Variants in RGS12 observed in about 807,000 individuals in gnomAD.
RGS12 encodes regulator of G protein signaling 12.
A neutral mutation model predicts 120.1 loss-of-function variants in RGS12; 66 were observed. The ratio of observed to expected loss-of-function variants is 0.55; its 90% CI spans 0.45 to 0.67. The LOEUF is 0.67. Among genes scored for constraint, RGS12 ranks in the 30% least tolerant of loss-of-function variants. The pLI is 0.00. For synonymous variants in RGS12, 827 were observed against 804.7 expected (o/e 1.03, Z -0.47); for missense variants, 1,859 against 1,957.7 (o/e 0.95, Z 0.95).
chr4:3,326,388 A>G (rs1376401661), intron 2 of RGS12, among the ~76,000 whole-genome samples: 1 of 152,212 alleles, frequency 6.6e-6, no homozygotes, highest in Admixed American at 6.5e-5. Flanking sequence ...CTAGAACTAC[A>G]GGTGCATACT....
At chr4:3,362,050 C>T (rs1715619513) in intron 3 of RGS12, among the ~76,000 whole-genome samples, 1 of 152,192 alleles carries the variant, frequency 6.6e-6, no homozygotes, top group Non-Finnish European at 1.5e-5. Context: ...AGGCTGCGGC[C>T]CCGAGGGGGA....
At chr4:3,430,206 G>A (rs1239898877) in intron 16 of RGS12, among the ~76,000 whole-genome samples, 1 of 152,232 alleles carries the variant, frequency 6.6e-6, no homozygotes, top group Non-Finnish European at 1.5e-5. Context: ...GACTCCTGAA[G>A]ACAGAGTATG....
intron 2 of RGS12, among the ~76,000 whole-genome samples, chr4:3,322,413 A>G (rs1174451095): frequency 1.3e-5 from 2 of 152,222 alleles, no homozygotes; most frequent in Non-Finnish European, 2.9e-5. Context: ...TAGCCAGCAC[A>G]AGCTGGTTCT....
intron 1 of RGS12, among the ~76,000 whole-genome samples, chr4:3,299,285 T>A (rs1723546769): frequency 1.3e-5 from 2 of 152,050 alleles, no homozygotes; most frequent in Non-Finnish European, 1.5e-5. Context: ...CCCAGTGACC[T>A]CCTTTCTGAG....
At chr4:3,388,853 G>A (rs577607964) in intron 4 of RGS12, among the ~76,000 whole-genome samples, 1 of 152,358 alleles carries the variant, frequency 6.6e-6, no homozygotes, top group Admixed American at 6.5e-5. Context: ...GTGCACTGAG[G>A]TGGGCCTGGG....
chr4:3,308,478 C>G (rs568369509), intron 1 of RGS12, among the ~76,000 whole-genome samples: 9 of 152,172 alleles, frequency 5.9e-5, no homozygotes, highest in Non-Finnish European at 1.3e-4. Context: ...GCTAGCGATT[C>G]GTACTTATTT....
At chr4:3,379,827 A>G (rs915869671) in intron 3 of RGS12, among the ~76,000 whole-genome samples, 1 of 152,218 alleles carries the variant, frequency 6.6e-6, no homozygotes. Context: ...CATGGGGATT[A>G]TGGGAACTAC....
intron 1 of RGS12, among the ~76,000 whole-genome samples, chr4:3,308,307 G>A (rs1359745763): frequency 6.6e-6 from 1 of 152,252 alleles, no homozygotes; most frequent in Non-Finnish European, 1.5e-5. Context: ...TTAGTAAGAG[G>A]CTGTGTCCTC....
intron 4 of RGS12, among the ~76,000 whole-genome samples, chr4:3,404,224 G>GA: frequency 6.6e-6 from 1 of 152,360 alleles, no homozygotes; most frequent in Non-Finnish European, 1.5e-5. Flanking sequence ...CCAAGGCACA[G>GA]ACATGCTCAA....
chr4:3,370,448 G>T (rs915249658), intron 3 of RGS12: 181 of 942,780 alleles, frequency 1.9e-4, no homozygotes, highest in Non-Finnish European at 1.6e-4. Context: ...CTTTGGAAAT[G>T]GTTTTCATGT....
chr4:3,306,862 G>A (rs111840470), intron 1 of RGS12, among the ~76,000 whole-genome samples: 1,882 of 152,292 alleles, frequency 0.012, 19 homozygotes, highest in Non-Finnish European at 0.021. Context: ...GCTGGGTTGG[G>A]CTGGGTAGAG....
Position 3,318,047 on chromosome 4 carries a change from A to G in RGS12, c.1877A>G (p.Lys626Arg). 1.3e-6 allele frequency: 2 copies of G among 1,565,052 alleles called. No individual in the cohort carries two copies. The highest frequency in any genetic ancestry group is 2.3e-5 in the South Asian group (2 of 86,198). The change falls in exon 2 of 18, where the codon AAA (lysine) becomes AGA (arginine). Residue 626 changes from lysine to arginine, a missense_variant. Transcript: ENST00000336727. The stretch of plus-strand genomic sequence containing the variant: ...AATGTTCGAAAGACTAAGGAAGATA[A>G]AAAGGTAAGCCTGCCAGGAGCCACT... ...HRNVRKTKED[K>R]KGSKFGRGTG...
At chr4:3,341,130 AGAGGATAG>A (rs1249281173) in intron 2 of RGS12, among the ~76,000 whole-genome samples, 2 of 149,618 alleles carry the variant, frequency 1.3e-5, no homozygotes, top group African/African-American at 5.0e-5. Flanking sequence ...TCACCTGCCA[AGAGGATAG>A]TGACACCCCT....
intron 2 of RGS12, among the ~76,000 whole-genome samples, chr4:3,330,853 A>G (rs1013162955): frequency 1.3e-5 from 2 of 152,164 alleles, no homozygotes; most frequent in South Asian, 2.1e-4. Flanking sequence ...GAACTTTGAG[A>G]TCGCTCCTTT....
intron 4 of RGS12, among the ~76,000 whole-genome samples, chr4:3,406,936 C>G (rs1721193477): frequency 6.6e-6 from 1 of 152,224 alleles, no homozygotes; most frequent in Admixed American, 6.5e-5. Flanking sequence ...TGCTTATTTC[C>G]TAACTAAATA....
At chr4:3,320,558 C>T (rs577062565) in intron 2 of RGS12, among the ~76,000 whole-genome samples, 6 of 152,314 alleles carry the variant, frequency 3.9e-5, no homozygotes, top group South Asian at 2.1e-4. Flanking sequence ...ACAGCCCTGG[C>T]GCTCCGTGTG....
intron 2 of RGS12, among the ~76,000 whole-genome samples, chr4:3,318,540 G>A (rs2110412465): frequency 6.6e-6 from 1 of 152,336 alleles, no homozygotes; most frequent in Non-Finnish European, 1.5e-5. Context: ...ATCCTGTTGT[G>A]TAAAACACCA....
intron 4 of RGS12, among the ~76,000 whole-genome samples, chr4:3,400,065 AG>A (rs939506750): frequency 5.3e-5 from 8 of 152,272 alleles, no homozygotes; most frequent in African/African-American, 1.2e-4. Flanking sequence ...ATCTTCCACA[AG>A]GGGGGGCAAC....
At chr4:3,339,106 T>C (rs1165447396) in intron 2 of RGS12, among the ~76,000 whole-genome samples, 1 of 152,136 alleles carries the variant, frequency 6.6e-6, no homozygotes, top group Non-Finnish European at 1.5e-5. Flanking sequence ...CATCCACGTG[T>C]GGGCAGGCGT....
Sources: gnomAD v4.1 joint callset for allele counts (sites outside exome capture counted in the v4.1 genomes callset) on GRCh38, gnomAD v4.1.1 for gene constraint, MANE v1.5 for transcripts, NCBI Gene and HGNC (gene_info 2026-07-23, HGNC 2026-07-21) for gene names.